AHCYL2: variants seen among roughly 807,000 people sequenced by gnomAD.
The protein encoded by AHCYL2 is S-adenosylhomocysteine hydrolase-like protein 2.
In AHCYL2, 28 loss-of-function variants were observed where a neutral mutation model predicts 81.4. The ratio of observed to expected loss-of-function variants is 0.34; its 90% confidence interval spans 0.25 to 0.47. AHCYL2 has a LOEUF of 0.47. AHCYL2 is among the 20% of genes least tolerant of loss of function. The pLI, the probability that AHCYL2 is intolerant of heterozygous loss-of-function variation, is 1.00. For missense variants in AHCYL2, 551 were observed against 785.1 expected (o/e 0.70, Z 3.56); for synonymous variants, 272 against 290.2 (o/e 0.94, Z 0.64).
chr7:129,264,524 G>T (rs1041838828), intron 1 of AHCYL2, among the ~76,000 whole-genome samples: 3 of 152,216 alleles, frequency 2.0e-5, no homozygotes, highest in African/African-American at 7.2e-5. Flanking sequence ...TGAAGTAAAA[G>T]AATTAGTGAG....
At chr7:129,392,382 C>T (rs1795511701) in intron 4 of AHCYL2, among the ~76,000 whole-genome samples, 1 of 152,174 alleles carries the variant, frequency 6.6e-6, no homozygotes, top group South Asian at 2.1e-4. Context: ...CTGGTGAGGG[C>T]CTGTTCCTTA....
intron 1 of AHCYL2, among the ~76,000 whole-genome samples, chr7:129,230,973 G>A (rs1794415616): frequency 6.6e-6 from 1 of 152,036 alleles, no homozygotes; most frequent in African/African-American, 2.4e-5. Flanking sequence ...GTTTTTGTGA[G>A]CATTTATTTT....
chr7:129,233,160 G>A (rs542882044), intron 1 of AHCYL2, among the ~76,000 whole-genome samples: 2 of 152,188 alleles, frequency 1.3e-5, no homozygotes, highest in Non-Finnish European at 2.9e-5. Context: ...AGCTCACTGC[G>A]AATTATTTCT....
chr7:129,299,397 T>C (rs1331085363), intron 1 of AHCYL2, among the ~76,000 whole-genome samples: 1 of 65,554 alleles, frequency 1.5e-5, no homozygotes, highest in African/African-American at 7.7e-5. Flanking sequence ...TTTTTTTTTT[T>C]TTTTTTTTTT....
At chr7:129,375,321 G>C (rs532236998) in intron 1 of AHCYL2, among the ~76,000 whole-genome samples, 79 of 140,786 alleles carry the variant, frequency 5.6e-4, no homozygotes, top group Non-Finnish European at 9.3e-4. Context: ...CTGAGTACTT[G>C]GCACCATTAA....
chr7:129,414,818 TTCTC>T (rs1256917348), intron 12 of AHCYL2, among the ~76,000 whole-genome samples: 4 of 152,220 alleles, frequency 2.6e-5, no homozygotes, highest in African/African-American at 9.6e-5. Context: ...ACGCTTGTAT[TTCTC>T]TCTGGGTAAC....
chr7:129,380,651 C>G (rs1794913443), intron 2 of AHCYL2, among the ~76,000 whole-genome samples: 1 of 152,072 alleles, frequency 6.6e-6, no homozygotes, highest in African/African-American at 2.4e-5. Context: ...TACTTTCCCC[C>G]CACAGTAACA....
At chr7:129,315,685 A>C (rs1298240706) in intron 1 of AHCYL2, among the ~76,000 whole-genome samples, 1 of 152,254 alleles carries the variant, frequency 6.6e-6, no homozygotes, top group Non-Finnish European at 1.5e-5. Flanking sequence ...CTAGTGGGTG[A>C]TTAGTAAAAG....
At chr7:129,225,993 C>T (rs1358097486) in intron 1 of AHCYL2, among the ~76,000 whole-genome samples, 2 of 152,132 alleles carry the variant, frequency 1.3e-5, no homozygotes, top group South Asian at 4.1e-4. Context: ...TCATTTCCAG[C>T]GACTGCGATA....
At chr7:129,351,081 A>G (rs978972559) in intron 1 of AHCYL2, among the ~76,000 whole-genome samples, 13 of 152,294 alleles carry the variant, frequency 8.5e-5, no homozygotes, top group South Asian at 2.1e-4. Flanking sequence ...TTTATTCTAG[A>G]ATATTATTAA....
At chr7:129,356,383 T>C (rs1793736498) in intron 1 of AHCYL2, among the ~76,000 whole-genome samples, 1 of 152,222 alleles carries the variant, frequency 6.6e-6, no homozygotes. Context: ...TATAAACCAC[T>C]GTCTCTTCAT....
intron 5 of AHCYL2, 39 bp from the exon 6 acceptor site, chr7:129,400,251 T>C (rs1563235271): frequency 1.9e-6 from 3 of 1,584,432 alleles, no homozygotes; most frequent in African/African-American, 1.4e-5. Flanking sequence ...CAGCCTTTTT[T>C]GGTCTTTAAT....
chr7:129,378,781 ATTC>A (rs1794811083), intron 1 of AHCYL2, among the ~76,000 whole-genome samples: 1 of 152,196 alleles, frequency 6.6e-6, no homozygotes, highest in South Asian at 2.1e-4. Context: ...AATCTCAAAT[ATTC>A]TTTCTTGTAC....
intron 1 of AHCYL2, among the ~76,000 whole-genome samples, chr7:129,255,361 A>G (rs931725942): frequency 3.9e-5 from 6 of 152,256 alleles, no homozygotes; most frequent in African/African-American, 1.4e-4. Flanking sequence ...ATATCAATAT[A>G]AAAATTAAGA....
At chr7:129,405,739 C>A in intron 8 of AHCYL2, 97 bp from the exon 9 acceptor site, 3 of 1,175,300 alleles carry the variant, frequency 2.6e-6, no homozygotes, top group Non-Finnish European at 3.5e-6. Context: ...AAATGAAAAA[C>A]CAACCAAAAA....
chr7:129,382,815 A>T (rs1002569835), intron 2 of AHCYL2, among the ~76,000 whole-genome samples: 1 of 152,086 alleles, frequency 6.6e-6, no homozygotes, highest in Non-Finnish European at 1.5e-5. Flanking sequence ...CTGAGGCAGG[A>T]GAATTGCTTG....
chr7:129,406,280 T>C lies in AHCYL2; in HGVS notation c.1207-98T>C, dbSNP rs112459479. 7.8e-6 allele frequency: 8 copies of C among 1,029,838 alleles called. No individual in the cohort carries two copies. Among genetic ancestry groups the C allele is most frequent in the Non-Finnish European group, 1.2e-5 (8 of 670,582 alleles). 63.8% of individuals were successfully genotyped at this position (1,029,838 alleles called of 1,614,324 possible). A position where few individuals can be genotyped will look rare whatever the true frequency, so the allele number is the denominator to read the frequency against. On this transcript the variant is annotated intron_variant, in intron 9 of 16. Coordinates refer to ENST00000325006, the MANE Select transcript of AHCYL2 (RefSeq NM_015328.4). This position sits in a 1 kb window ranked among gnomAD's most constrained non-coding sequence, Gnocchi z 4.3. ...GTATGAATCTATTCAGTGAAATTCC[T>C]CTCGGGGGTGGAAAGAGGGGGTGCA...
intron 2 of AHCYL2, among the ~76,000 whole-genome samples, chr7:129,381,253 T>C (rs182275475): frequency 1.3e-5 from 2 of 152,286 alleles, no homozygotes; most frequent in Admixed American, 1.3e-4. Flanking sequence ...ACACACTAGA[T>C]ATACATATCC....
intron 1 of AHCYL2, among the ~76,000 whole-genome samples, chr7:129,369,043 C>G (rs572779077): frequency 6.6e-6 from 1 of 152,292 alleles, no homozygotes; most frequent in East Asian, 1.9e-4. Context: ...CTATTTCCCC[C>G]CCAGCTATCC....
Sources: allele counts gnomAD v4.1 joint callset (sites outside exome capture counted in the v4.1 genomes callset), GRCh38; gene constraint gnomAD v4.1.1; non-coding constraint Gnocchi (gnomAD v3.1); transcripts MANE v1.5; gene names NCBI Gene and HGNC (gene_info 2026-07-23, HGNC 2026-07-21).